TXLNB: variants seen among roughly 807,000 people sequenced by gnomAD.
TXLNB encodes taxilin beta.
A neutral mutation model predicts 57.4 loss-of-function variants in TXLNB; 37 were observed. That is an observed-to-expected ratio of 0.64 (90% CI 0.50 to 0.85). The LOEUF (loss-of-function observed/expected upper bound fraction) is 0.85. Among genes scored for constraint, TXLNB ranks in the 40% least tolerant of loss-of-function variants. The pLI is 0.00. For missense variants in TXLNB, 848 were observed against 825.6 expected (o/e 1.03, Z -0.33); for synonymous variants, 302 against 309.6 (o/e 0.98, Z 0.26).
At chr6:139,219,401 T>C in the TXLNB span, among the ~76,000 whole-genome samples, 1 of 152,316 alleles carries the variant, frequency 6.6e-6, no homozygotes, top group African/African-American at 2.4e-5. Flanking sequence ...GTTCTCTCTG[T>C]GCAGAAGCTG....
the TXLNB span, among the ~76,000 whole-genome samples, chr6:139,230,610 G>A: frequency 1.2e-4 from 19 of 152,334 alleles, no homozygotes; most frequent in Admixed American, 9.8e-4. Context: ...TGTGAGGAAT[G>A]GCATGGAGAA....
chr6:139,282,521 G>A lies in TXLNB; in HGVS notation c.425-5600C>T, dbSNP rs1330530772. On this transcript the variant is annotated intron_variant, in intron 2 of 9. Transcript: ENST00000358430. Reference sequence around the variant, plus strand: ...GAACCTGGGAGGTGGAAGTTGCAGTGAGCTGAGATCGCACCACTGTACTCC... The same window carrying A: ...GAACCTGGGAGGTGGAAGTTGCAGTAAGCTGAGATCGCACCACTGTACTCC... Among the ~76,000 whole-genome samples the A allele has an allele frequency of 2.8e-5, 4 of 145,394 alleles. 1 individual carries two copies. The highest frequency in any genetic ancestry group is 6.1e-5 in the Non-Finnish European group (4 of 65,380).
the TXLNB span, among the ~76,000 whole-genome samples, chr6:139,311,692 T>G: frequency 6.6e-6 from 1 of 152,170 alleles, no homozygotes; most frequent in African/African-American, 2.4e-5. Flanking sequence ...TTACCTCTTA[T>G]GGAGGAAAAA....
intron 4 of TXLNB, among the ~76,000 whole-genome samples, chr6:139,268,228 A>G (rs1776666743): frequency 6.6e-6 from 1 of 152,090 alleles, no homozygotes; most frequent in Non-Finnish European, 1.5e-5. Context: ...AGAGGACATA[A>G]TAATCATAAA....
chr6:139,240,867 G>T lies in TXLNB; in HGVS notation c.*1659C>A, dbSNP rs1050814142. The T allele has an allele frequency of 6.6e-6, 1 of 152,212 alleles. No homozygotes were observed. The highest frequency in any genetic ancestry group is 2.4e-5 in the African/African-American group (1 of 41,450). The allele number at this position is 152,212 out of a possible 1,614,324, so 9.4% of individuals were successfully genotyped here. A position where few individuals can be genotyped will look rare whatever the true frequency, so the allele number is the denominator to read the frequency against. ...GCAAACAGCCACATGCAACATTGAAGAATGGTTTCCTGGATGAGTACTAGA... is the reference window on the plus strand; with the variant it reads ...GCAAACAGCCACATGCAACATTGAATAATGGTTTCCTGGATGAGTACTAGA... On this transcript the variant is annotated 3_prime_UTR_variant, in exon 10 of 10. Coordinates refer to ENST00000358430, the MANE Select transcript of TXLNB (RefSeq NM_153235.4).
chr6:139,250,357 CTTTTTTT>C (rs61441759), intron 7 of TXLNB, among the ~76,000 whole-genome samples: 4 of 118,892 alleles, frequency 3.4e-5, no homozygotes, highest in Non-Finnish European at 3.4e-5. Flanking sequence ...TTCTTTCTTT[CTTTTTTT>C]TTTTTTTTTT....
the TXLNB span, among the ~76,000 whole-genome samples, chr6:139,223,826 G>C: frequency 6.6e-6 from 1 of 151,934 alleles, no homozygotes; most frequent in Non-Finnish European, 1.5e-5. Context: ...GGAGAAATAG[G>C]AACACTTTTA....
At chr6:139,172,533 T>G in the TXLNB span, among the ~76,000 whole-genome samples, 2 of 152,240 alleles carry the variant, frequency 1.3e-5, no homozygotes, top group Admixed American at 1.3e-4. Context: ...AAGTTCTTAT[T>G]GGGCTTCTTT....
the TXLNB span, among the ~76,000 whole-genome samples, chr6:139,206,897 A>C: frequency 6.6e-6 from 1 of 152,208 alleles, no homozygotes; most frequent in African/African-American, 2.4e-5. Context: ...ACAGACAAAG[A>C]AGGACATTAT....
At chr6:139,316,295 A>G in the TXLNB span, among the ~76,000 whole-genome samples, 1 of 152,188 alleles carries the variant, frequency 6.6e-6, no homozygotes, top group Non-Finnish European at 1.5e-5. Flanking sequence ...TTTTACCAAG[A>G]ACCCCCACCT....
At chr6:139,257,010 A>G (rs1256792081) in intron 6 of TXLNB, among the ~76,000 whole-genome samples, 1 of 152,250 alleles carries the variant, frequency 6.6e-6, no homozygotes, top group African/African-American at 2.4e-5. Flanking sequence ...TGACACATTC[A>G]TATATAAGCT....
the TXLNB span, among the ~76,000 whole-genome samples, chr6:139,214,689 G>T: frequency 5.9e-5 from 9 of 152,280 alleles, no homozygotes; most frequent in Admixed American, 5.9e-4. Context: ...AAGTCAAATT[G>T]TCCCTCTTTG....
chr6:139,265,559 T>C (rs1208052027), intron 4 of TXLNB, among the ~76,000 whole-genome samples: 1 of 152,200 alleles, frequency 6.6e-6, no homozygotes, highest in Non-Finnish European at 1.5e-5. Flanking sequence ...TTTCTATATC[T>C]TCCCAAGCTC....
chr6:139,303,661 A>G, the TXLNB span, among the ~76,000 whole-genome samples: 5 of 151,656 alleles, frequency 3.3e-5, no homozygotes, highest in African/African-American at 9.7e-5. Flanking sequence ...TAAAGTAAAT[A>G]TAAGTATTCT....
At chr6:139,244,004 G>C (rs555239397) in intron 9 of TXLNB, among the ~76,000 whole-genome samples, 1 of 150,960 alleles carries the variant, frequency 6.6e-6, no homozygotes, top group Non-Finnish European at 1.5e-5. Flanking sequence ...TCCCCCACTC[G>C]TTATACATGG....
At chr6:139,188,683 A>G in the TXLNB span, among the ~76,000 whole-genome samples, 1 of 152,240 alleles carries the variant, frequency 6.6e-6, no homozygotes, top group Non-Finnish European at 1.5e-5. Flanking sequence ...AGCACTTTGT[A>G]TGTATGCCGG....
rs149531475 is a variant in TXLNB, at chr6:139,276,906, A to G, written c.440T>C (p.Leu147Pro). Residue 147 changes from leucine to proline, a missense_variant, in exon 3 of 10, where the codon CTG (leucine) becomes CCG (proline). Leu to Pro is a moderately conservative substitution (Grantham distance 98). Transcript: ENST00000358430. Reference sequence around the variant, plus strand: ...CAACTTGTTCAGATTTTGCATTAGCAGGTTGGCTTCTTTGCCTTAAAAAAA... The same window carrying G: ...CAACTTGTTCAGATTTTGCATTAGCGGGTTGGCTTCTTTGCCTTAAAAAAA... ...ILKGLGKEAN[L>P]LMQNLNKLQT... 527 of 1,582,198 alleles carry G rather than the reference A, an allele frequency of 3.3e-4. 2 individuals carry two copies. The highest frequency in any genetic ancestry group is 1.7e-4 in the Middle Eastern group (1 of 6,016).
At chr6:139,255,334 A>G (rs1776307794) in intron 7 of TXLNB, 1 of 563,926 alleles carries the variant, frequency 1.8e-6, no homozygotes, top group African/African-American at 1.9e-5. Flanking sequence ...CTGTCAACAA[A>G]CCTTTGACTG....
the TXLNB span, among the ~76,000 whole-genome samples, chr6:139,234,794 G>A: frequency 2.1e-3 from 317 of 152,210 alleles, no homozygotes; most frequent in Admixed American, 2.9e-3. Context: ...TGTGAGAAGC[G>A]GGCCAAAGTC....
Sources: gnomAD v4.1 joint callset for allele counts (sites outside exome capture counted in the v4.1 genomes callset) on GRCh38, gnomAD v4.1.1 for gene constraint, MANE v1.5 for transcripts, NCBI Gene and HGNC (gene_info 2026-07-23, HGNC 2026-07-21) for gene names.